The following RPS6KC1 variants were observed in gnomAD, a reference collection of about 807,000 sequenced individuals.
RPS6KC1 encodes inactive ribosomal protein S6 kinase delta-1.
In RPS6KC1, 54 loss-of-function variants were observed where a neutral mutation model predicts 103.8. The ratio of observed to expected loss-of-function variants is 0.52; its 90% CI spans 0.42 to 0.65. The LOEUF is 0.65. Ranked by LOEUF, RPS6KC1 falls within the 30% of genes least tolerant of loss-of-function variation. The pLI is 0.00. For missense variants in RPS6KC1, 1,151 were observed against 1,253.8 expected (o/e 0.92, Z 1.24); for synonymous variants, 439 against 438.7 (o/e 1.00, Z -0.01).
At chr1:213,511,415 G>A in the RPS6KC1 span, among the ~76,000 whole-genome samples, 16 of 152,180 alleles carry the variant, frequency 1.1e-4, no homozygotes, top group Admixed American at 6.5e-4. Flanking sequence ...ATTTTTGCAC[G>A]TGGTGTTGAT....
chr1:213,188,819 A>G (rs2092638438), intron 8 of RPS6KC1, among the ~76,000 whole-genome samples: 1 of 138,966 alleles, frequency 7.2e-6, no homozygotes, highest in African/African-American at 2.5e-5. Flanking sequence ...AGTTTCTATC[A>G]AATTTTCCGC....
chr1:213,801,289 G>A, the RPS6KC1 span, among the ~76,000 whole-genome samples: 7 of 152,050 alleles, frequency 4.6e-5, no homozygotes, highest in Admixed American at 2.0e-4. Context: ...GCACATACTC[G>A]CACATATGAA....
chr1:213,779,642 G>A, the RPS6KC1 span, among the ~76,000 whole-genome samples: 1 of 152,172 alleles, frequency 6.6e-6, no homozygotes, highest in Non-Finnish European at 1.5e-5. Flanking sequence ...AAGCCGGGAG[G>A]AAGTCATAGA....
chr1:213,625,309 G>A, the RPS6KC1 span, among the ~76,000 whole-genome samples: 2 of 152,080 alleles, frequency 1.3e-5, no homozygotes, highest in African/African-American at 4.8e-5. Context: ...TAGAGACTTT[G>A]TACTATATTT....
the RPS6KC1 span, chr1:213,492,445 CTGTT>C: frequency 6.6e-6 from 1 of 152,340 alleles, no homozygotes; most frequent in African/African-American, 2.4e-5. Flanking sequence ...ATAGAGGCTC[CTGTT>C]TGTTCAGAAT....
chr1:213,862,164 CG>C, the RPS6KC1 span, among the ~76,000 whole-genome samples: 1 of 152,132 alleles, frequency 6.6e-6, no homozygotes, highest in Non-Finnish European at 1.5e-5. Flanking sequence ...GCACATGCTA[CG>C]TAGTCCTAAT....
chr1:213,780,317 C>T, the RPS6KC1 span, among the ~76,000 whole-genome samples: 11 of 152,156 alleles, frequency 7.2e-5, no homozygotes, highest in African/African-American at 1.2e-4. Flanking sequence ...CAAAAAGCAG[C>T]GGCCAGATGC....
the RPS6KC1 span, among the ~76,000 whole-genome samples, chr1:213,443,070 A>G: frequency 1.3e-5 from 2 of 151,772 alleles, no homozygotes; most frequent in African/African-American, 4.8e-5. Flanking sequence ...GATGTTTCTC[A>G]CTAGTAAGAA....
In RPS6KC1 at chr1:213,263,251, T is replaced by G. The variant is rs74139167; in HGVS notation, c.3090+435T>G. ...TGCTTAGGAGAGACATATTAGAAAA[T>G]CTTGTCAAGTTAGATACTTCATCAT... On this transcript the variant is annotated intron_variant, in intron 14 of 14. Transcript: ENST00000366960. Among the ~76,000 whole-genome samples the G allele has an allele frequency of 2.9e-3, 437 of 152,332 alleles. 3 individuals carry two copies. Among genetic ancestry groups the G allele is most frequent in the African/African-American group, 9.7e-3 (403 of 41,574 alleles).
At chr1:213,632,335 A>G in the RPS6KC1 span, among the ~76,000 whole-genome samples, 2 of 152,162 alleles carry the variant, frequency 1.3e-5, no homozygotes, top group African/African-American at 4.8e-5. Context: ...TCCCAGCATG[A>G]TTGATGCAGA....
intron 6 of RPS6KC1, among the ~76,000 whole-genome samples, chr1:213,148,982 A>G (rs1316052608): frequency 6.6e-6 from 1 of 152,142 alleles, no homozygotes; most frequent in Non-Finnish European, 1.5e-5. Context: ...CATATTAGCT[A>G]CTAATGATCC....
the RPS6KC1 span, among the ~76,000 whole-genome samples, chr1:213,660,649 A>C: frequency 6.6e-6 from 1 of 152,352 alleles, no homozygotes; most frequent in East Asian, 1.9e-4. Context: ...CTATAATATT[A>C]GTGGGAGAAT....
chr1:213,580,593 A>T, the RPS6KC1 span, among the ~76,000 whole-genome samples: 1 of 152,086 alleles, frequency 6.6e-6, no homozygotes, highest in East Asian at 1.9e-4. Context: ...TCATGAAAGG[A>T]AGAGTCGATT....
At chr1:213,639,821 T>G in the RPS6KC1 span, among the ~76,000 whole-genome samples, 1 of 152,024 alleles carries the variant, frequency 6.6e-6, no homozygotes, top group East Asian at 1.9e-4. Flanking sequence ...TGAGTGTTTT[T>G]TCATCTCTGT....
chr1:213,097,309 G>A (rs2081553776), intron 3 of RPS6KC1, among the ~76,000 whole-genome samples: 1 of 151,698 alleles, frequency 6.6e-6, no homozygotes, highest in Admixed American at 6.6e-5. Context: ...AGCTGAGATC[G>A]CGCCACTGCA....
the RPS6KC1 span, among the ~76,000 whole-genome samples, chr1:213,610,677 G>T: frequency 6.6e-6 from 1 of 152,172 alleles, no homozygotes; most frequent in Non-Finnish European, 1.5e-5. Context: ...ACTCCCCAGG[G>T]CAGTAATTGT....
At chr1:213,623,493 G>T in the RPS6KC1 span, among the ~76,000 whole-genome samples, 2 of 152,108 alleles carry the variant, frequency 1.3e-5, no homozygotes, top group African/African-American at 4.8e-5. Context: ...ACCCATAAGC[G>T]CTTACAGTCT....
the RPS6KC1 span, among the ~76,000 whole-genome samples, chr1:213,389,435 C>T: frequency 2.0e-5 from 3 of 152,236 alleles, no homozygotes; most frequent in Non-Finnish European, 4.4e-5. Flanking sequence ...GACAGGGAAG[C>T]GTGGAGTCTG....
At chr1:213,822,976 C>T in the RPS6KC1 span, among the ~76,000 whole-genome samples, 1 of 152,138 alleles carries the variant, frequency 6.6e-6, no homozygotes, top group African/African-American at 2.4e-5. Context: ...AGCCCAAATA[C>T]TCCAATGTCT....
Sources: allele counts gnomAD v4.1 joint callset (sites outside exome capture counted in the v4.1 genomes callset), GRCh38; gene constraint gnomAD v4.1.1; transcripts MANE v1.5; gene names NCBI Gene and HGNC (gene_info 2026-07-23, HGNC 2026-07-21).